Variants in RELN observed in about 807,000 individuals in gnomAD.
RELN encodes reelin.
RELN carries 108 observed loss-of-function variants against 427.6 expected under a neutral mutation model. That is an observed-to-expected ratio of 0.25 (90% CI 0.22 to 0.30). The LOEUF (loss-of-function observed/expected upper bound fraction) is 0.30. Ranked by LOEUF, RELN falls within the 10% of genes least tolerant of loss-of-function variation. The pLI is 1.00. For synonymous variants in RELN, 1,524 were observed against 1,513.4 expected, an observed-to-expected ratio of 1.01 and a Z score of -0.16; for missense variants, 3,715 against 4,302.8, an observed-to-expected ratio of 0.86 and a Z score of 3.82.
chr7:103,514,135 A>G (rs1478577296), intron 50 of RELN: 1 of 152,176 alleles, frequency 6.6e-6, no homozygotes, highest in Non-Finnish European at 1.5e-5. Context: ...TGGGTGTGAC[A>G]GAGTTCCACT....
intron 24 of RELN, among the ~76,000 whole-genome samples, chr7:103,598,067 T>A (rs1032913141): frequency 6.6e-6 from 1 of 152,294 alleles, no homozygotes; most frequent in African/African-American, 2.4e-5. Context: ...GGATTTAAAC[T>A]CTAATCCACT....
chr7:103,798,841 C>T (rs1281499493), intron 3 of RELN, among the ~76,000 whole-genome samples: 1 of 152,188 alleles, frequency 6.6e-6, no homozygotes, highest in African/African-American at 2.4e-5. Context: ...ACCATGGTCA[C>T]CCACAGCTAG....
At chr7:103,755,011 G>C (rs1460883518) in intron 4 of RELN, among the ~76,000 whole-genome samples, 1 of 152,152 alleles carries the variant, frequency 6.6e-6, no homozygotes, top group African/African-American at 2.4e-5. Context: ...AGTGTCTATA[G>C]ATGAACTCAG....
At chr7:103,920,174 A>T (rs147042647) in intron 1 of RELN, among the ~76,000 whole-genome samples, 145 of 152,316 alleles carry the variant, frequency 9.5e-4, no homozygotes, top group African/African-American at 3.3e-3. Flanking sequence ...TGCATAGTTT[A>T]AAACGTTCCA....
intron 3 of RELN, among the ~76,000 whole-genome samples, chr7:103,785,574 T>C (rs1357479059): frequency 1.3e-5 from 2 of 152,166 alleles, no homozygotes; most frequent in Non-Finnish European, 2.9e-5. Flanking sequence ...GTGTCTTACT[T>C]TCTTAATCTA....
In RELN at chr7:103,540,326, G is replaced by T; in HGVS notation, c.6801C>A (p.Ser2267Arg). 1 of 1,614,170 alleles carries T rather than the reference G, an allele frequency of 6.2e-7. No homozygotes were observed. Among genetic ancestry groups the T allele is most frequent in the South Asian group, 1.1e-5 (1 of 91,082 alleles). ...TGTACCTGCCCACATTGCTGGAATT[G>T]CTGAAAAGGAACTCCTGAAGAAGAC... ...SWSLLQEFLFSNSSNVGRYIA... is the reference protein window; with the variant it reads ...SWSLLQEFLFRNSSNVGRYIA... The change falls in exon 44 of 65, where the codon AGC becomes AGA. Residue 2267 changes from serine to arginine, a missense_variant. Coordinates refer to ENST00000428762, the MANE Select transcript of RELN (RefSeq NM_005045.4).
At chr7:103,980,358 T>C (rs981625145) in intron 1 of RELN, among the ~76,000 whole-genome samples, 1 of 152,154 alleles carries the variant, frequency 6.6e-6, no homozygotes, top group African/African-American at 2.4e-5. Context: ...CAAAGAATTA[T>C]GGACTTATGG....
chr7:103,510,688 T>G (rs1384377056), intron 51 of RELN, among the ~76,000 whole-genome samples, 163 bp downstream of exon 51: 1 of 152,234 alleles, frequency 6.6e-6, no homozygotes, highest in East Asian at 1.9e-4. Flanking sequence ...ATACTTTTAA[T>G]CATTAAGCAA....
At chr7:103,680,703 G>T (rs1833633703) in intron 11 of RELN, among the ~76,000 whole-genome samples, 2 of 150,676 alleles carry the variant, frequency 1.3e-5, no homozygotes, top group South Asian at 4.2e-4. Flanking sequence ...TTTCCCTCTA[G>T]GGTCTCCCCA....
chr7:103,839,303 CTTT>C lies in RELN; in HGVS notation c.338-5634_338-5632del, dbSNP rs34244913. On this transcript the variant is annotated intron_variant, in intron 2 of 64. Coordinates refer to ENST00000428762, the MANE Select transcript of RELN (RefSeq NM_005045.4). ...CACTATGACTATACAGTGGTCTTTGCTTTTTTTTTTTTTTTTTTTAACATAGAA... is the reference window on the plus strand; with the variant it reads ...CACTATGACTATACAGTGGTCTTTGCTTTTTTTTTTTTTTTTAACATAGAA... Among the ~76,000 whole-genome samples, 95 of 121,188 alleles carry C rather than the reference CTTT, an allele frequency of 7.8e-4. 1 individual carries two copies. The highest frequency in any genetic ancestry group is 2.7e-3 in the African/African-American group (89 of 32,472). The allele number at this position is 121,188 out of a possible 152,430, so 79.5% of individuals were successfully genotyped here. A position where few individuals can be genotyped will look rare whatever the true frequency, so the allele number is the denominator to read the frequency against.
chr7:103,682,386 A>T, intron 10 of RELN, 125 bp from the exon 11 acceptor site: 3 of 963,046 alleles, frequency 3.1e-6, no homozygotes, highest in Non-Finnish European at 4.9e-6. Context: ...TGGACTCTCA[A>T]ATCAAAAGAG....
At chr7:103,757,778 A>G (rs571739854) in intron 4 of RELN, among the ~76,000 whole-genome samples, 1 of 152,272 alleles carries the variant, frequency 6.6e-6, no homozygotes, top group Admixed American at 6.5e-5. Context: ...AGGATACTGA[A>G]TTGAAGAGAG....
In RELN at chr7:103,596,527, C is replaced by T. The variant is rs748669801; in HGVS notation, c.3468G>A (p.Gln1156=). 2 of 1,613,934 alleles carry T rather than the reference C, an allele frequency of 1.2e-6. No homozygotes were observed. The highest frequency in any genetic ancestry group is 1.7e-6 in the Non-Finnish European group (2 of 1,179,936). Residue 1156 remains glutamine (Q), a synonymous_variant, in exon 25 of 65, where the codon CAG becomes CAA. Transcript: ENST00000428762. ...ACTGGATGCCCCCATTGTTGCTGTA[C>T]TGAAGGAGGACGCCCTCCTCTCTGC... ...PDSREEGVLL[Q]YSNNGGIQWH...
At position 103,796,894 on chromosome 7, in the gene RELN, AGAAAGAAAG is replaced by A. The variant is rs1157428464; in HGVS notation, c.474-20276_474-20268del. Among the ~76,000 whole-genome samples, 1,061 of 116,438 alleles carry A rather than the reference AGAAAGAAAG, an allele frequency of 9.1e-3. 8 individuals are homozygous for A. The highest frequency in any genetic ancestry group is 0.013 in the Non-Finnish European group (779 of 60,206). The allele number at this position is 116,438 out of a possible 152,430, so 76.4% of individuals were successfully genotyped here. On this transcript the variant is annotated intron_variant, in intron 3 of 64. Transcript: ENST00000428762. ...ATCTCACAAAAAAAAAAAAAAAAAA[AGAAAGAAAG>A]AAAAAGAAAAAGAAAAAGAAAGTAA...
At chr7:103,871,636 T>C (rs544785950) in intron 2 of RELN, among the ~76,000 whole-genome samples, 80 of 152,102 alleles carry the variant, frequency 5.3e-4, no homozygotes, top group Non-Finnish European at 9.7e-4. Flanking sequence ...AACCAGCTAG[T>C]CCATTAAATG....
chr7:103,925,012 A>T, intron 1 of RELN, among the ~76,000 whole-genome samples: 1 of 50,712 alleles, frequency 2.0e-5, no homozygotes, highest in East Asian at 7.0e-4. Context: ...ACACACACAC[A>T]CACACACACA....
At chr7:103,923,607 A>T (rs1289701306) in intron 1 of RELN, among the ~76,000 whole-genome samples, 1 of 152,088 alleles carries the variant, frequency 6.6e-6, no homozygotes, top group Non-Finnish European at 1.5e-5. Flanking sequence ...GAACAAATGG[A>T]CTCCAATCAG....
intron 2 of RELN, among the ~76,000 whole-genome samples, chr7:103,894,931 T>G (rs1366479702): frequency 1.3e-5 from 2 of 152,136 alleles, no homozygotes; most frequent in African/African-American, 4.8e-5. Flanking sequence ...AATCATACAC[T>G]TACCCTGCTC....
intron 7 of RELN, among the ~76,000 whole-genome samples, chr7:103,726,781 T>C (rs1400158650): frequency 6.6e-6 from 1 of 152,188 alleles, no homozygotes. Context: ...TTAAGGTTTA[T>C]AGATAATTAA....
Sources: gnomAD v4.1 joint callset for allele counts (sites outside exome capture counted in the v4.1 genomes callset) on GRCh38, gnomAD v4.1.1 for gene constraint, MANE v1.5 for transcripts, NCBI Gene and HGNC (gene_info 2026-07-23, HGNC 2026-07-21) for gene names.